The following NOL4 variants were observed in gnomAD, a reference collection of about 807,000 sequenced individuals.
NOL4 encodes cancer/testis antigen 125.
Under a neutral mutation model 75.9 loss-of-function variants are expected in NOL4, and 17 were observed. That is an observed-to-expected ratio of 0.22 (90% CI 0.15 to 0.34). The LOEUF is 0.34. Ranked by LOEUF, NOL4 falls within the 10% of genes least tolerant of loss-of-function variation. The probability of loss-of-function intolerance (pLI) is 1.00; values close to 1 mark genes in which losing one functional copy is unlikely to be tolerated. For missense variants in NOL4, 614 were observed against 793.5 expected, an observed-to-expected ratio of 0.77 and a Z score of 2.72; for synonymous variants, 292 against 289.9, an observed-to-expected ratio of 1.01 and a Z score of -0.07.
intron 6 of NOL4, among the ~76,000 whole-genome samples, chr18:33,968,035 G>A (rs2070746002): frequency 6.6e-6 from 1 of 152,056 alleles, no homozygotes; most frequent in African/African-American, 2.4e-5. Context: ...GCAGTGAGCC[G>A]AGATCGTGCC....
chr18:34,185,974 A>G (rs970894695), intron 1 of NOL4, among the ~76,000 whole-genome samples: 6 of 152,158 alleles, frequency 3.9e-5, no homozygotes, highest in Non-Finnish European at 7.4e-5. Flanking sequence ...TTCTTACTTC[A>G]TTTTAGTGAT....
At chr18:33,942,837 T>A (rs914321567) in intron 9 of NOL4, among the ~76,000 whole-genome samples, 1 of 151,944 alleles carries the variant, frequency 6.6e-6, no homozygotes, top group African/African-American at 2.4e-5. Context: ...TCATAACTCG[T>A]TAGTTTTGCT....
intron 6 of NOL4, among the ~76,000 whole-genome samples, chr18:34,005,794 G>A (rs1385148866): frequency 2.0e-5 from 3 of 151,972 alleles, no homozygotes; most frequent in African/African-American, 7.2e-5. Context: ...TAACCCTCTG[G>A]AAAGTGCCTC....
chr18:34,138,813 T>G (rs1037110551), intron 1 of NOL4, among the ~76,000 whole-genome samples: 1 of 152,190 alleles, frequency 6.6e-6, no homozygotes, highest in African/African-American at 2.4e-5. Context: ...GGCTGTGGGT[T>G]TGTCATAAAT....
At chr18:34,006,101 A>G (rs2074012603) in intron 6 of NOL4, among the ~76,000 whole-genome samples, 1 of 152,016 alleles carries the variant, frequency 6.6e-6, no homozygotes, top group South Asian at 2.1e-4. Flanking sequence ...TTCAGAAACA[A>G]TTTTATAGCT....
rs563743066 is a variant in NOL4, at chr18:34,146,728, T to C, written c.265-16708A>G. ...ATATTGTTCCTTATGAAATTTAAAG[T>C]AGTTTTTTTTTTTCTAATTCTGTGA... On this transcript the variant is annotated intron_variant, in intron 1 of 10. Transcript: ENST00000261592. Among the ~76,000 whole-genome samples, 3 of 151,662 alleles carry C rather than the reference T, an allele frequency of 2.0e-5. No homozygotes were observed. The South Asian group carries it at 6.2e-4, about 31-fold the overall frequency.
At chr18:33,883,967 G>A (rs1279668826) in intron 9 of NOL4, among the ~76,000 whole-genome samples, 1 of 152,048 alleles carries the variant, frequency 6.6e-6, no homozygotes, top group Non-Finnish European at 1.5e-5. Context: ...AGCTACTGGG[G>A]AGTCTTCTAA....
Position 33,851,297 on chromosome 18 carries a change from GT to G in NOL4, c.*1544del, listed in dbSNP as rs140653388. 0.03 allele frequency: 4,485 copies of G among 148,634 alleles called. 82 individuals are homozygous for G. The highest frequency in any genetic ancestry group is 0.046 in the Non-Finnish European group (3,044 of 66,740). The allele number at this position is 148,634 out of a possible 1,614,324, so 9.2% of individuals were successfully genotyped here. ...TATATTCACCAACAGTATCACAAAA[GT>G]TTTTTTTTTGTTTTTTGTTTACATA... On this transcript the variant is annotated 3_prime_UTR_variant, in exon 11 of 11. Transcript: ENST00000261592.
chr18:34,184,005 T>TA (rs545069493), intron 1 of NOL4, among the ~76,000 whole-genome samples: 1 of 151,554 alleles, frequency 6.6e-6, no homozygotes, highest in Non-Finnish European at 1.5e-5. Context: ...GTATTCAAGA[T>TA]AAAAAAATGC....
At chr18:34,195,393 T>C (rs1057480139) in intron 1 of NOL4, among the ~76,000 whole-genome samples, 2 of 152,126 alleles carry the variant, frequency 1.3e-5, no homozygotes. Context: ...TTAAAATTAA[T>C]AAAAATAATC....
chr18:34,050,842 G>C (rs2076596515), intron 5 of NOL4, among the ~76,000 whole-genome samples: 1 of 152,018 alleles, frequency 6.6e-6, no homozygotes, highest in South Asian at 2.1e-4. Context: ...TGAGTAAAAA[G>C]ACTGAAATAT....
Position 33,892,553 on chromosome 18 carries a change from A to G in NOL4, c.1543-9129T>C, listed in dbSNP as rs116251344. Among the ~76,000 whole-genome samples the G allele has an allele frequency of 9.6e-3, 1,456 of 152,276 alleles. 26 individuals are homozygous for G. The highest frequency in any genetic ancestry group is 0.034 in the African/African-American group (1,404 of 41,576). ...ATGAAGATTGTTTTCACAAGAAGAT[A>G]ATATTAAAATGCTACAAGGCTTCAC... On this transcript the variant is annotated intron_variant, in intron 9 of 10. Transcript: ENST00000261592.
chr18:34,132,838 A>G (rs1321709714), intron 1 of NOL4, among the ~76,000 whole-genome samples: 1 of 152,212 alleles, frequency 6.6e-6, no homozygotes, highest in Non-Finnish European at 1.5e-5. Flanking sequence ...CACATCACAT[A>G]TAAGTTAACC....
intron 1 of NOL4, among the ~76,000 whole-genome samples, chr18:34,182,389 G>A (rs929965415): frequency 5.9e-5 from 9 of 151,522 alleles, no homozygotes; most frequent in South Asian, 2.1e-4. Context: ...AGTTGTTAGG[G>A]GCTGGAAGGA....
chr18:34,021,638 T>C (rs572968053), intron 5 of NOL4, among the ~76,000 whole-genome samples: 1 of 151,854 alleles, frequency 6.6e-6, no homozygotes, highest in African/African-American at 2.4e-5. Flanking sequence ...AAAATGGAAG[T>C]TGGGGAGACC....
At chr18:34,183,011 G>A (rs900048472) in intron 1 of NOL4, among the ~76,000 whole-genome samples, 3 of 151,630 alleles carry the variant, frequency 2.0e-5, no homozygotes, top group Non-Finnish European at 4.4e-5. Context: ...GCATCCTTCA[G>A]TGTGACACAA....
intron 10 of NOL4, among the ~76,000 whole-genome samples, chr18:33,882,030 C>T (rs2064315623): frequency 6.6e-6 from 1 of 152,162 alleles, no homozygotes; most frequent in Non-Finnish European, 1.5e-5. Context: ...GGATCTCTTC[C>T]TTACACCTTA....
intron 1 of NOL4, among the ~76,000 whole-genome samples, chr18:34,167,380 A>G (rs1210990947): frequency 6.6e-6 from 1 of 152,026 alleles, no homozygotes; most frequent in African/African-American, 2.4e-5. Flanking sequence ...CACTTCTCTA[A>G]TCTGTCGATA....
At chr18:33,903,658 T>G (rs1404900321) in intron 9 of NOL4, among the ~76,000 whole-genome samples, 1 of 152,214 alleles carries the variant, frequency 6.6e-6, no homozygotes, top group Non-Finnish European at 1.5e-5. Flanking sequence ...ATTTTATAAT[T>G]GTGCCTCTAT....
Sources: gnomAD v4.1 joint callset for allele counts (sites outside exome capture counted in the v4.1 genomes callset) on GRCh38, gnomAD v4.1.1 for gene constraint, MANE v1.5 for transcripts, NCBI Gene and HGNC (gene_info 2026-07-23, HGNC 2026-07-21) for gene names.